The following BRF1 variants were observed in gnomAD, a reference collection of about 807,000 sequenced individuals.
BRF1 encodes the protein BRF1 general transcription factor IIIB subunit.
Under a neutral mutation model 81.7 loss-of-function variants are expected in BRF1, and 59 were observed. The observed-to-expected ratio is 0.72, with a 90% CI of 0.59 to 0.90. The LOEUF is 0.90. Ranked by LOEUF, BRF1 falls within the 40% of genes least tolerant of loss-of-function variation. The probability of loss-of-function intolerance (pLI) is 0.00; values close to 1 mark genes in which losing one functional copy is unlikely to be tolerated. For missense variants in BRF1, 1,050 were observed against 936.3 expected (o/e 1.12, Z -1.58); for synonymous variants, 491 against 395.6 (o/e 1.24, Z -2.86).
At chr14:105,252,253 T>A (rs1292896879) in intron 5 of BRF1, 1 of 528,536 alleles carries the variant, frequency 1.9e-6, no homozygotes, top group Non-Finnish European at 2.4e-6. Flanking sequence ...GGCACGAGGA[T>A]CACTTGAGGC....
chr14:105,248,520 G>GCGCGGCCCTGACGCAGCGTGA (rs2055289489), intron 5 of BRF1: 2 of 979,578 alleles, frequency 2.0e-6, no homozygotes, highest in Non-Finnish European at 2.4e-6. Context: ...GTCGCGCGGG[G>GCGCGGCCCTGACGCAGCGTGA]CGCGGCCCTG....
chr14:105,264,461 G>A (rs1341256494), intron 3 of BRF1, among the ~76,000 whole-genome samples: 7 of 151,900 alleles, frequency 4.6e-5, no homozygotes, highest in East Asian at 1.9e-4. Context: ...TCAGGATATC[G>A]GGACCATCCT....
chr14:105,229,179 C>G (rs587668060), intron 6 of BRF1, among the ~76,000 whole-genome samples: 1 of 152,206 alleles, frequency 6.6e-6, no homozygotes, highest in Admixed American at 6.5e-5. Flanking sequence ...CACGTAATCC[C>G]TCAAAGCAAA....
chr14:105,287,458 A>G (rs1460796013), intron 1 of BRF1, among the ~76,000 whole-genome samples: 1 of 152,224 alleles, frequency 6.6e-6, no homozygotes, highest in South Asian at 2.1e-4. Context: ...CACAGGGGCC[A>G]GTGCATTTGT....
intron 2 of BRF1, among the ~76,000 whole-genome samples, chr14:105,278,435 C>CAAAAA (rs368178497): frequency 9.2e-6 from 1 of 108,542 alleles, no homozygotes; most frequent in African/African-American, 3.4e-5. Context: ...ACCCTGTCTC[C>CAAAAA]AAAAAAAAAA....
intron 1 of BRF1, among the ~76,000 whole-genome samples, chr14:105,297,771 T>C (rs778695385): frequency 2.6e-5 from 4 of 151,166 alleles, no homozygotes; most frequent in Non-Finnish European, 5.9e-5. Context: ...CTGAGGCAGG[T>C]GGATCACGAG....
intron 5 of BRF1, chr14:105,248,378 G>A (rs1421206117): frequency 2.0e-6 from 2 of 985,282 alleles, no homozygotes; most frequent in Non-Finnish European, 2.4e-6. Context: ...TCTGGGGGCG[G>A]CCGCCTGCCA....
At chr14:105,215,864 A>G (rs1296200363) in intron 15 of BRF1, among the ~76,000 whole-genome samples, 1 of 145,140 alleles carries the variant, frequency 6.9e-6, no homozygotes, top group Non-Finnish European at 1.5e-5. Context: ...ACACACACAC[A>G]TGCACACACA....
chr14:105,220,220 C>T, intron 11 of BRF1, 90 bp from the exon 12 acceptor site: 1 of 1,507,950 alleles, frequency 6.6e-7, no homozygotes, highest in Non-Finnish European at 9.1e-7. Context: ...GACCCTGGGT[C>T]TGGGCTAAGG....
chr14:105,292,757 A>C (rs1276114418), intron 1 of BRF1, among the ~76,000 whole-genome samples: 3 of 152,050 alleles, frequency 2.0e-5, no homozygotes, highest in African/African-American at 7.2e-5. Flanking sequence ...ACGGCAGCCC[A>C]CACCCCTTCC....
rs1335183362 is a variant in BRF1, at chr14:105,219,172, C to A, written c.1438G>T (p.Glu480Ter). The change falls in exon 13 of 18, where the codon GAG becomes TAG. Residue 480 changes from glutamate to a stop codon, truncating the protein, a stop_gained. Transcript: ENST00000547530. LOFTEE classifies it high-confidence loss of function. ...KAELWMRENA[E>*]YLREQREKEA... is the part of the protein sequence containing the mutation. Reference sequence around the variant, plus strand: ...TTACCCCTCTGTTCCCGCAGGTACTCGGCGTTCTCCCTCATCCACAGCTCG... The same window carrying A: ...TTACCCCTCTGTTCCCGCAGGTACTAGGCGTTCTCCCTCATCCACAGCTCG... The A allele has an allele frequency of 6.2e-7, 1 of 1,612,368 alleles. No homozygotes were observed. The highest frequency in any genetic ancestry group is 8.5e-7 in the Non-Finnish European group (1 of 1,178,676).
chr14:105,244,843 G>A (rs765926811), intron 5 of BRF1, among the ~76,000 whole-genome samples: 11 of 151,914 alleles, frequency 7.2e-5, no homozygotes, highest in South Asian at 2.1e-4. Flanking sequence ...TGCTTCTCCA[G>A]TGTCTGTGGG....
intron 15 of BRF1, among the ~76,000 whole-genome samples, chr14:105,213,810 C>A (rs920799667): frequency 2.0e-5 from 3 of 152,162 alleles, no homozygotes; most frequent in African/African-American, 7.2e-5. Flanking sequence ...AGAGAGGGTG[C>A]GTAGTGTTCA....
chr14:105,282,890 G>A (rs901893877), intron 2 of BRF1, among the ~76,000 whole-genome samples: 2 of 152,094 alleles, frequency 1.3e-5, no homozygotes. Flanking sequence ...CCCAGATCGC[G>A]CCACTGCACT....
intron 15 of BRF1, chr14:105,212,602 G>C (rs1209855950): frequency 6.0e-6 from 1 of 165,736 alleles, no homozygotes; most frequent in Non-Finnish European, 1.3e-5. Flanking sequence ...GGGCCTGCTC[G>C]CCGGCCCGCC....
upstream of BRF1, among the ~76,000 whole-genome samples, chr14:105,304,030 C>T (rs1447370118): frequency 1.3e-5 from 2 of 152,244 alleles, no homozygotes; most frequent in Non-Finnish European, 2.9e-5. Flanking sequence ...CGTGTGCTCC[C>T]TCACCAAAGC....
At chr14:105,258,438 G>A (rs1185630725) in intron 3 of BRF1, among the ~76,000 whole-genome samples, 3 of 149,636 alleles carry the variant, frequency 2.0e-5, no homozygotes, top group Non-Finnish European at 3.0e-5. Context: ...GCAGTGAGCC[G>A]AGATGGCGCC....
rs183700859 is a variant in BRF1 at position 105,277,711 on chromosome 14, C to G, written c.266-4817G>C. Among the ~76,000 whole-genome samples, 460 of 152,350 alleles carry G rather than the reference C, an allele frequency of 3.0e-3. 1 individual carries two copies. Among genetic ancestry groups the G allele is most frequent in the African/African-American group, 0.01 (433 of 41,586 alleles). On this transcript the variant is annotated intron_variant, in intron 2 of 17. Coordinates refer to ENST00000547530, the MANE Select transcript of BRF1 (RefSeq NM_001519.4). ...GTTCTGTTACAGCAGCCCAAAAGGA[C>G]TAAAATGGGGGCTTATGATGACTGC... is the stretch of plus-strand genomic sequence containing the variant.
chr14:105,267,135 TA>T (rs1054299187), intron 3 of BRF1, among the ~76,000 whole-genome samples: 1 of 152,172 alleles, frequency 6.6e-6, no homozygotes, highest in African/African-American at 2.4e-5. Context: ...ACTCAAACAG[TA>T]AGATCGACAA....
Sources: allele counts gnomAD v4.1 joint callset (sites outside exome capture counted in the v4.1 genomes callset), GRCh38; gene constraint gnomAD v4.1.1; transcripts MANE v1.5; gene names NCBI Gene and HGNC (gene_info 2026-07-23, HGNC 2026-07-21).